The following LRRC59 variants were observed in gnomAD, a reference collection of about 807,000 sequenced individuals.
The protein encoded by LRRC59 is leucine rich repeat containing 59, also known as leucine-rich repeat-containing protein 59.
A neutral mutation model predicts 33.5 loss-of-function variants in LRRC59; 18 were observed. The observed-to-expected ratio is 0.54, with a 90% CI of 0.37 to 0.80. The LOEUF is 0.80. Among genes scored for constraint, LRRC59 ranks in the 30% least tolerant of loss-of-function variants. The pLI is 0.00. For synonymous variants in LRRC59, 138 were observed against 160.0 expected, an observed-to-expected ratio of 0.86 and a Z score of 1.04; for missense variants, 330 against 391.9, an observed-to-expected ratio of 0.84 and a Z score of 1.33.
chr17:50,387,103 G>A (rs1209833974), intron 5 of LRRC59, among the ~76,000 whole-genome samples: 2 of 148,448 alleles, frequency 1.3e-5, no homozygotes, highest in Non-Finnish European at 3.0e-5. Flanking sequence ...GGGCAACAGA[G>A]CGAGACTCTG....
At chr17:50,391,658 G>A (rs1244984488) in intron 4 of LRRC59, among the ~76,000 whole-genome samples, 2 of 152,206 alleles carry the variant, frequency 1.3e-5, no homozygotes, top group Non-Finnish European at 1.5e-5. Flanking sequence ...TCACTCCTAT[G>A]TCAGATGACT....
At chr17:50,388,498 G>A (rs915348251) in intron 4 of LRRC59, among the ~76,000 whole-genome samples, 2 of 152,120 alleles carry the variant, frequency 1.3e-5, no homozygotes, top group Non-Finnish European at 1.5e-5. Context: ...CTGTGGTCAC[G>A]CCATGGCACT....
At chr17:50,389,816 G>A (rs1914098023) in intron 4 of LRRC59, among the ~76,000 whole-genome samples, 1 of 152,150 alleles carries the variant, frequency 6.6e-6, no homozygotes, top group Non-Finnish European at 1.5e-5. Context: ...CCTGGTTTGG[G>A]CCAGGCGCGG....
chr17:50,390,749 C>G (rs1317171613), intron 4 of LRRC59, among the ~76,000 whole-genome samples: 1 of 152,206 alleles, frequency 6.6e-6, no homozygotes, highest in Non-Finnish European at 1.5e-5. Flanking sequence ...AAGACCTAAA[C>G]TAATTCCTGC....
chr17:50,387,928 A>T (rs1914049138), intron 5 of LRRC59, 132 bp downstream of exon 5: 1 of 850,488 alleles, frequency 1.2e-6, no homozygotes, highest in Non-Finnish European at 2.0e-6. Flanking sequence ...ACCATCCACC[A>T]CAATACTGTC....
Position 50,397,461 on chromosome 17 carries a change from G to A in LRRC59, c.-144C>T, listed in dbSNP as rs1316434622. ...CGCCGATGCGAGACCGCCTCCGCCCGCTGGCCGCACTCCGAGCCTCGCGCC... is the reference window on the plus strand; with the variant it reads ...CGCCGATGCGAGACCGCCTCCGCCCACTGGCCGCACTCCGAGCCTCGCGCC... On this transcript the variant is annotated 5_prime_UTR_variant, in exon 1 of 7. Coordinates refer to ENST00000225972, the MANE Select transcript of LRRC59 (RefSeq NM_018509.4). 69 of 539,114 alleles carry A rather than the reference G, an allele frequency of 1.3e-4. No individual in the cohort carries two copies. In the East Asian group the frequency reaches 2.4e-3, roughly 19 times the overall value. The allele number at this position is 539,114 out of a possible 1,614,324, so 33.4% of individuals were successfully genotyped here.
intron 4 of LRRC59, among the ~76,000 whole-genome samples, chr17:50,389,279 G>A (rs1407187003): frequency 1.3e-5 from 2 of 152,138 alleles, no homozygotes; most frequent in South Asian, 2.1e-4. Flanking sequence ...AAAGATTCTC[G>A]CTATGGTGGG....
intron 5 of LRRC59, among the ~76,000 whole-genome samples, chr17:50,387,574 G>C (rs1439459731): frequency 2.6e-5 from 4 of 152,202 alleles, no homozygotes; most frequent in Non-Finnish European, 4.4e-5. Flanking sequence ...AGACATGCTG[G>C]AAGGCATTGT....
chr17:50,389,780 C>A (rs983993053), intron 4 of LRRC59, among the ~76,000 whole-genome samples: 3 of 152,092 alleles, frequency 2.0e-5, no homozygotes, highest in Non-Finnish European at 2.9e-5. Context: ...CAGGAGCAGA[C>A]CAGCAAAAGG....
At chr17:50,385,351 TC>T in intron 5 of LRRC59, 60 bp from the exon 6 acceptor site, 1 of 1,551,600 alleles carries the variant, frequency 6.4e-7, no homozygotes, top group Non-Finnish European at 8.8e-7. Context: ...CAGTTTGCTT[TC>T]CCAAGTGATT....
In LRRC59 at chr17:50,385,261, C is replaced by T. The variant is rs1405223182; in HGVS notation, c.533G>A (p.Arg178Gln). ...EAEKKREAKQ[R>Q]AKEAQERELR... The stretch of plus-strand genomic sequence containing the variant: ...TTCCCGCTCCTGAGCTTCCTTAGCT[C>T]GCTGCTTAGCCTCACGCTTCTTCTC... The change falls in exon 6 of 7, where the codon CGA (arginine) becomes CAA (glutamine). Residue 178 changes from arginine to glutamine, a missense_variant. By Grantham distance (43) the Arg-to-Gln change is conservative. Transcript: ENST00000225972. 5.6e-6 allele frequency: 9 copies of T among 1,614,030 alleles called. No homozygotes were observed. The highest frequency in any genetic ancestry group is 5.3e-5 in the African/African-American group (4 of 75,044).
intron 4 of LRRC59, among the ~76,000 whole-genome samples, chr17:50,388,594 T>C (rs1376950415): frequency 1.3e-5 from 2 of 152,144 alleles, no homozygotes; most frequent in African/African-American, 4.8e-5. Context: ...AATTGTATCT[T>C]TGTATCCTAA....
chr17:50,395,378 A>C (rs770938811), intron 1 of LRRC59, among the ~76,000 whole-genome samples: 22 of 150,200 alleles, frequency 1.5e-4, no homozygotes, highest in African/African-American at 3.9e-4. Context: ...AAAAGAAAGG[A>C]AGGCAGGCAG....
At chr17:50,396,456 G>A (rs1485326838) in intron 1 of LRRC59, 2 of 152,290 alleles carry the variant, frequency 1.3e-5, no homozygotes, top group Non-Finnish European at 2.9e-5. Flanking sequence ...AGCGCCCAAG[G>A]CAAATGTAAT....
At position 50,382,176 on chromosome 17, in the gene LRRC59, C is replaced by G. The variant is rs1913872112; in HGVS notation, c.*812G>C. ...GGACTCCACAGGAGCTGCCCGTGAC[C>G]TGATGATAGCAAGAGATTTCTATCT... On this transcript the variant is annotated 3_prime_UTR_variant, in exon 7 of 7. Transcript: ENST00000225972. 6.6e-6 allele frequency: 1 copy of G among 152,630 alleles called. No homozygotes were observed. The highest frequency in any genetic ancestry group is 2.4e-5 in the African/African-American group (1 of 41,586). The allele number at this position is 152,630 out of a possible 1,614,324, so 9.5% of individuals were successfully genotyped here. A position where few individuals can be genotyped will look rare whatever the true frequency, so the allele number is the denominator to read the frequency against.
intron 4 of LRRC59, among the ~76,000 whole-genome samples, chr17:50,391,676 A>C (rs1194887466): frequency 1.3e-5 from 2 of 152,200 alleles, no homozygotes; most frequent in African/African-American, 4.8e-5. Context: ...ACTCAACTGT[A>C]ATCAAATACC....
chr17:50,386,782 G>T (rs1298495766), intron 5 of LRRC59, among the ~76,000 whole-genome samples: 1 of 152,210 alleles, frequency 6.6e-6, no homozygotes, highest in African/African-American at 2.4e-5. Context: ...TGAACCACAA[G>T]AGTCCTCCAG....
intron 4 of LRRC59, among the ~76,000 whole-genome samples, chr17:50,389,512 T>C (rs939115183): frequency 6.6e-6 from 1 of 152,292 alleles, no homozygotes; most frequent in Admixed American, 6.5e-5. Context: ...ATAACTTGTA[T>C]TGGCTGCCTT....
rs888278705 is a variant in LRRC59, at chr17:50,382,553, G to A, written c.*435C>T. ...AGTTTAGACTGGATTTACTGAGCGT[G>A]GTGTTCTAGTCCCCCCCAGTTCCTC... On this transcript the variant is annotated 3_prime_UTR_variant, in exon 7 of 7. Coordinates refer to ENST00000225972, the MANE Select transcript of LRRC59 (RefSeq NM_018509.4). 7 of 174,476 alleles carry A rather than the reference G, an allele frequency of 4.0e-5. No individual in the cohort carries two copies. The highest frequency in any genetic ancestry group is 1.7e-4 in the African/African-American group (7 of 41,926). The allele number at this position is 174,476 out of a possible 1,614,324, so 10.8% of individuals were successfully genotyped here. A position where few individuals can be genotyped will look rare whatever the true frequency, so the allele number is the denominator to read the frequency against.
Sources: allele counts gnomAD v4.1 joint callset (sites outside exome capture counted in the v4.1 genomes callset), GRCh38; gene constraint gnomAD v4.1.1; transcripts MANE v1.5; gene names NCBI Gene and HGNC (gene_info 2026-07-23, HGNC 2026-07-21).